RORA: variants seen among roughly 807,000 people sequenced by gnomAD.
The protein encoded by RORA is RAR related orphan receptor A, also known as nuclear receptor ROR-alpha.
Under a neutral mutation model 69.5 loss-of-function variants are expected in RORA, and 7 were observed. That is an observed-to-expected ratio of 0.10 (90% CI 0.06 to 0.19). The LOEUF is 0.19. Among genes scored for constraint, RORA ranks in the 10% least tolerant of loss-of-function variants. The pLI, the probability that RORA is intolerant of heterozygous loss-of-function variation, is 1.00. For missense variants in RORA, 457 were observed against 663.0 expected, an observed-to-expected ratio of 0.69 and a Z score of 3.41; for synonymous variants, 261 against 240.8, an observed-to-expected ratio of 1.08 and a Z score of -0.78.
At chr15:61,195,583 CCTA>C (rs2079839376) in intron 1 of RORA, among the ~76,000 whole-genome samples, 1 of 152,090 alleles carries the variant, frequency 6.6e-6, no homozygotes. Flanking sequence ...GTGCTTTGAC[CCTA>C]CTATTGACCC....
chr15:61,063,970 G>C (rs2078222172), intron 1 of RORA, among the ~76,000 whole-genome samples: 1 of 152,170 alleles, frequency 6.6e-6, no homozygotes, highest in Admixed American at 6.5e-5. Context: ...AGATCACCTT[G>C]CCGGGGCTCT....
chr15:60,730,073 G>T (rs2071409958), intron 1 of RORA, among the ~76,000 whole-genome samples: 1 of 152,128 alleles, frequency 6.6e-6, no homozygotes, highest in African/African-American at 2.4e-5. Context: ...AACAGCGAAT[G>T]TTGGGGAAGG....
At chr15:60,714,783 G>A (rs1336768315) in intron 1 of RORA, among the ~76,000 whole-genome samples, 2 of 152,158 alleles carry the variant, frequency 1.3e-5, no homozygotes, top group African/African-American at 4.8e-5. Flanking sequence ...GATGTGATGT[G>A]TGACCATCTA....
rs1274757588 is a variant in RORA, at chr15:60,982,241, T to A, written c.166+246812A>T. Among the ~76,000 whole-genome samples the A allele has an allele frequency of 3.3e-5, 5 of 152,346 alleles. No individual in the cohort carries two copies. The East Asian group carries it at 7.7e-4, about 23-fold the overall frequency. ...CTTCACTTCCTGATTATGCGTAGCC[T>A]AATGGCCAGCCAGAGTTAAGAGACT... On this transcript the variant is annotated intron_variant, in intron 1 of 10. Transcript: ENST00000335670.
intron 1 of RORA, among the ~76,000 whole-genome samples, chr15:60,707,333 AT>A (rs1029091140): frequency 6.6e-5 from 8 of 120,918 alleles, no homozygotes; most frequent in African/African-American, 2.4e-4. Context: ...CTATTTCTTT[AT>A]TTTATTTATT....
At chr15:60,702,257 G>A (rs767072408) in intron 1 of RORA, among the ~76,000 whole-genome samples, 29 of 152,008 alleles carry the variant, frequency 1.9e-4, no homozygotes, top group Non-Finnish European at 2.9e-4. Flanking sequence ...ACAGAGTCTC[G>A]CTCTGTCACC....
At chr15:60,859,655 C>CTTTCTTTT (rs372938017) in intron 1 of RORA, among the ~76,000 whole-genome samples, 1 of 101,592 alleles carries the variant, frequency 9.8e-6, no homozygotes, top group East Asian at 3.1e-4. Context: ...TTCTTTCTTT[C>CTTTCTTTT]TTTTTTTTTT....
chr15:61,039,606 G>A (rs1174283078), intron 1 of RORA, among the ~76,000 whole-genome samples: 1 of 151,922 alleles, frequency 6.6e-6, no homozygotes, highest in African/African-American at 2.4e-5. Context: ...TTAGCTGGGT[G>A]TGGTGGTGCA....
At chr15:60,592,470 C>A (rs1022212450) in intron 2 of RORA, 66 of 1,369,384 alleles carry the variant, frequency 4.8e-5, no homozygotes, top group Non-Finnish European at 6.0e-5. Flanking sequence ...ACCCCGGAGC[C>A]CCCTCTGCCG....
intron 1 of RORA, chr15:60,682,457 C>A (rs2070658029): frequency 6.6e-6 from 1 of 152,048 alleles, no homozygotes; most frequent in Non-Finnish European, 1.5e-5. Context: ...ATTCTAGATC[C>A]CAAGCTCCAT....
rs578203556 is a variant in RORA, at chr15:60,767,660, G to C, written c.167-88974C>G. Among the ~76,000 whole-genome samples, 67 of 152,294 alleles carry C rather than the reference G, an allele frequency of 4.4e-4. 2 individuals are homozygous for C. The highest frequency in any genetic ancestry group is 1.5e-3 in the African/African-American group (63 of 41,564). Reference sequence around the variant, plus strand: ...GTCTAACCACACCACACTTCTCACTGTACCCGAGGTATTCTTGGTCATTTG... The same window carrying C: ...GTCTAACCACACCACACTTCTCACTCTACCCGAGGTATTCTTGGTCATTTG... On this transcript the variant is annotated intron_variant, in intron 1 of 10. Transcript: ENST00000335670.
At chr15:60,716,708 C>A (rs2071223464) in intron 1 of RORA, among the ~76,000 whole-genome samples, 1 of 152,048 alleles carries the variant, frequency 6.6e-6, no homozygotes, top group African/African-American at 2.4e-5. Flanking sequence ...GGTTTTAAGA[C>A]CCTCCTCAGA....
intron 1 of RORA, among the ~76,000 whole-genome samples, chr15:61,091,016 A>T (rs1276325592): frequency 6.6e-6 from 1 of 152,238 alleles, no homozygotes; most frequent in Non-Finnish European, 1.5e-5. Context: ...CAGCAGATTT[A>T]CAAGGTAACA....
chr15:61,035,453 A>G (rs146472020), intron 1 of RORA, among the ~76,000 whole-genome samples: 99 of 152,340 alleles, frequency 6.5e-4, no homozygotes, highest in African/African-American at 2.3e-3. Context: ...GGCAAAATAC[A>G]TCAAGCAATT....
At chr15:61,040,259 C>G (rs1896695473) in intron 1 of RORA, among the ~76,000 whole-genome samples, 1 of 149,534 alleles carries the variant, frequency 6.7e-6, no homozygotes, top group Non-Finnish European at 1.5e-5. Context: ...ACTAATACAT[C>G]CCATCAGAAT....
intron 1 of RORA, among the ~76,000 whole-genome samples, chr15:60,767,583 G>C (rs1449268401): frequency 6.6e-6 from 1 of 152,118 alleles, no homozygotes; most frequent in Non-Finnish European, 1.5e-5. Context: ...GGTGCAATAT[G>C]GGCTGCCAGA....
chr15:60,840,277 C>T (rs2073178654), intron 1 of RORA, among the ~76,000 whole-genome samples: 1 of 152,236 alleles, frequency 6.6e-6, no homozygotes, highest in African/African-American at 2.4e-5. Flanking sequence ...GCCTATTCCT[C>T]TGGTGCCTGG....
In RORA at chr15:60,531,560, A is replaced by C; in HGVS notation, c.282+206T>G. On this transcript the variant is annotated intron_variant, in intron 3 of 10. Transcript: ENST00000335670. This position sits in a 1 kb window ranked among gnomAD's most constrained non-coding sequence, Gnocchi z 4.8. ...AGCAATGCTCAAATACCTTTTTGTA[A>C]TCTCCTATTATTTTGAAGGAAGGAG... 1 of 492,924 alleles carries C rather than the reference A, an allele frequency of 2.0e-6. No homozygotes were observed. Among genetic ancestry groups the C allele is most frequent in the South Asian group, 3.3e-5 (1 of 30,708 alleles). The allele number at this position is 492,924 out of a possible 1,614,324, so 30.5% of individuals were successfully genotyped here. A position where few individuals can be genotyped will look rare whatever the true frequency, so the allele number is the denominator to read the frequency against.
intron 1 of RORA, among the ~76,000 whole-genome samples, chr15:60,702,648 T>A (rs992573435): frequency 2.0e-5 from 3 of 152,260 alleles, no homozygotes; most frequent in Non-Finnish European, 4.4e-5. Flanking sequence ...AGTATTAATA[T>A]TAATGTTACC....
Sources: gnomAD v4.1 joint callset for allele counts (sites outside exome capture counted in the v4.1 genomes callset) on GRCh38, gnomAD v4.1.1 for gene constraint, Gnocchi (gnomAD v3.1) non-coding constraint, MANE v1.5 for transcripts, NCBI Gene and HGNC (gene_info 2026-07-23, HGNC 2026-07-21) for gene names.